Variants in MARCHF4 observed in about 807,000 individuals in gnomAD.
MARCHF4 encodes the protein membrane associated ring-CH-type finger 4, also known as E3 ubiquitin-protein ligase MARCHF4.
MARCHF4 carries 14 observed loss-of-function variants against 43.9 expected under a neutral mutation model. The observed-to-expected ratio is 0.32, with a 90% CI of 0.21 to 0.50. MARCHF4 has a LOEUF of 0.50. Among genes scored for constraint, MARCHF4 ranks in the 20% least tolerant of loss-of-function variants. MARCHF4 has a pLI of 0.98. For synonymous variants in MARCHF4, 226 were observed against 213.3 expected, an observed-to-expected ratio of 1.06 and a Z score of -0.52; for missense variants, 468 against 536.7, an observed-to-expected ratio of 0.87 and a Z score of 1.27.
At chr2:216,281,726 C>T (rs1296901137) in intron 2 of MARCHF4, among the ~76,000 whole-genome samples, 2 of 152,168 alleles carry the variant, frequency 1.3e-5, no homozygotes, top group Non-Finnish European at 2.9e-5. Context: ...ACTGAGCACA[C>T]ACAATTGCAT....
At chr2:216,328,313 G>A (rs1408315989) in intron 1 of MARCHF4, among the ~76,000 whole-genome samples, 1 of 152,194 alleles carries the variant, frequency 6.6e-6, no homozygotes, top group Non-Finnish European at 1.5e-5. Context: ...GAGATTACAA[G>A]TGTGCACCAC....
chr2:216,355,424 T>C (rs1178686119), intron 1 of MARCHF4, among the ~76,000 whole-genome samples: 1 of 152,214 alleles, frequency 6.6e-6, no homozygotes, highest in Non-Finnish European at 1.5e-5. Flanking sequence ...GTTTTACTTA[T>C]AGTCACTGGA....
At chr2:216,305,093 T>TA (rs148294316) in intron 1 of MARCHF4, among the ~76,000 whole-genome samples, 6 of 149,804 alleles carry the variant, frequency 4.0e-5, no homozygotes, top group Admixed American at 6.7e-5. Flanking sequence ...CCCACTGCAT[T>TA]AAAAAAAAAA....
chr2:216,345,632 A>G (rs1017875493), intron 1 of MARCHF4, among the ~76,000 whole-genome samples: 1 of 152,158 alleles, frequency 6.6e-6, no homozygotes. Context: ...GGGCATTGGG[A>G]AAACCCTCCC....
At chr2:216,333,452 C>T (rs1240508952) in intron 1 of MARCHF4, among the ~76,000 whole-genome samples, 2 of 152,180 alleles carry the variant, frequency 1.3e-5, no homozygotes, top group African/African-American at 4.8e-5. Flanking sequence ...CATATGACCG[C>T]ACTGGATTGA....
intron 1 of MARCHF4, among the ~76,000 whole-genome samples, chr2:216,309,407 A>G (rs1691644231): frequency 6.6e-6 from 1 of 152,216 alleles, no homozygotes; most frequent in Non-Finnish European, 1.5e-5. Flanking sequence ...ATCTCCCTAT[A>G]GTGGACATAG....
At chr2:216,275,228 C>T (rs1357405986) in intron 3 of MARCHF4, among the ~76,000 whole-genome samples, 1 of 152,134 alleles carries the variant, frequency 6.6e-6, no homozygotes, top group Non-Finnish European at 1.5e-5. Flanking sequence ...AAAAGGCAGG[C>T]AGCTAGAAAA....
rs541736599 is a variant in MARCHF4 at position 216,308,705 on chromosome 2, A to G, written c.517-24976T>C. ...AGAAAGACATCTTGCAAACTGATAC[A>G]GGAACCCAGACTATGACGTATGCGT... On this transcript the variant is annotated intron_variant, in intron 1 of 3. Coordinates refer to ENST00000273067, the MANE Select transcript of MARCHF4 (RefSeq NM_020814.3). Among the ~76,000 whole-genome samples the G allele has an allele frequency of 1.3e-4, 20 of 152,310 alleles. 1 individual carries two copies. In the South Asian group the frequency reaches 3.1e-3, roughly 24 times the overall value.
At chr2:216,269,373 G>A (rs1339101608) in intron 3 of MARCHF4, among the ~76,000 whole-genome samples, 8 of 149,478 alleles carry the variant, frequency 5.4e-5, no homozygotes, top group Admixed American at 2.2e-4. Flanking sequence ...AGAGGACAGC[G>A]TCATTAGAGA....
At chr2:216,270,962 C>T (rs1322764900) in intron 3 of MARCHF4, among the ~76,000 whole-genome samples, 2 of 152,182 alleles carry the variant, frequency 1.3e-5, no homozygotes, top group African/African-American at 4.8e-5. Flanking sequence ...CTATTCTGTC[C>T]ACCTCTGACC....
chr2:216,286,820 C>CA (rs1003817514), intron 1 of MARCHF4, among the ~76,000 whole-genome samples: 5 of 152,192 alleles, frequency 3.3e-5, no homozygotes, highest in Non-Finnish European at 7.3e-5. Flanking sequence ...TCTCCAAGAA[C>CA]AACAGAAGTG....
Position 216,283,579 on chromosome 2 carries a change from G to A in MARCHF4, c.667C>T (p.Leu223=). 1 of 1,600,656 alleles carries A rather than the reference G, an allele frequency of 6.2e-7. No homozygotes were observed. The highest frequency in any genetic ancestry group is 8.6e-7 in the Non-Finnish European group (1 of 1,168,942). ...HVIAISTKNP[L]QWQAISLTVI... is the part of the protein sequence containing the mutation. Reference sequence around the variant, plus strand: ...CAGGCAGCCCTGGGTTGTACCTGCAGAGGATTTTTTGTGCTTATGGCGATG... The same window carrying A: ...CAGGCAGCCCTGGGTTGTACCTGCAAAGGATTTTTTGTGCTTATGGCGATG... Residue 223 remains leucine, a synonymous_variant, in exon 2 of 4, where the codon CTG becomes TTG. Transcript: ENST00000273067.
chr2:216,320,654 TC>T (rs1691870665), intron 1 of MARCHF4, among the ~76,000 whole-genome samples: 19 of 123,320 alleles, frequency 1.5e-4, no homozygotes, highest in South Asian at 8.6e-4. Flanking sequence ...TTTCTTTCTT[TC>T]TTTCTTTCTT....
intron 1 of MARCHF4, among the ~76,000 whole-genome samples, chr2:216,350,063 A>T (rs1039773822): frequency 2.0e-5 from 3 of 152,060 alleles, no homozygotes; most frequent in Non-Finnish European, 2.9e-5. Flanking sequence ...TTGCTTTGCC[A>T]CACCATAATG....
chr2:216,346,629 G>C (rs1213119430), intron 1 of MARCHF4, among the ~76,000 whole-genome samples: 1 of 152,182 alleles, frequency 6.6e-6, no homozygotes, highest in Non-Finnish European at 1.5e-5. Flanking sequence ...AAATTAACCA[G>C]GTGGGGGCAA....
At chr2:216,291,233 C>A (rs1020115987) in intron 1 of MARCHF4, among the ~76,000 whole-genome samples, 1 of 152,144 alleles carries the variant, frequency 6.6e-6, no homozygotes, top group Non-Finnish European at 1.5e-5. Flanking sequence ...GCCAAGAAGA[C>A]GACACTGTTT....
intron 1 of MARCHF4, among the ~76,000 whole-genome samples, chr2:216,356,879 T>C (rs1224401089): frequency 6.6e-6 from 1 of 151,948 alleles, no homozygotes; most frequent in Non-Finnish European, 1.5e-5. Context: ...AAAAATTAGC[T>C]GGGCGTGGTG....
rs1690710307 is a variant in MARCHF4, at chr2:216,259,692, G to A, written c.866-13C>T. ...TGGATGATGAGACCTGAGGCAGCAG[G>A]GAGAGGAGAAACAGAGGCCAAATGA... On this transcript the variant is annotated splice_polypyrimidine_tract_variant and intron_variant, in intron 3 of 3. Transcript: ENST00000273067. 2 of 1,609,874 alleles carry A rather than the reference G, an allele frequency of 1.2e-6. No homozygotes were observed. Among genetic ancestry groups the A allele is most frequent in the Non-Finnish European group, 8.5e-7 (1 of 1,177,070 alleles).
chr2:216,259,538 G>C lies in MARCHF4; in HGVS notation c.1007C>G (p.Thr336Ser), dbSNP rs1379460180. The change falls in exon 4 of 4, where the codon ACC (threonine) becomes AGC (serine). Residue 336 changes from threonine to serine, a missense_variant. By Grantham distance (58) the Thr-to-Ser change is moderately conservative. Transcript: ENST00000273067. ...QKAGGRTNPR[T>S]SSSTQANIPS... The stretch of plus-strand genomic sequence containing the variant: ...GATATTGGCCTGGGTGGATGAGGAG[G>C]TCCGGGGGTTGGTCCTGCCTCCTGC... The C allele has an allele frequency of 2.5e-6, 4 of 1,614,030 alleles. No individual in the cohort carries two copies. The South Asian group carries it at 4.4e-5, about 18-fold the overall frequency.
Sources: allele counts gnomAD v4.1 joint callset (sites outside exome capture counted in the v4.1 genomes callset), GRCh38; gene constraint gnomAD v4.1.1; transcripts MANE v1.5; gene names NCBI Gene and HGNC (gene_info 2026-07-23, HGNC 2026-07-21).